ARHGAP10: variants seen among roughly 807,000 people sequenced by gnomAD.
ARHGAP10 encodes the protein Rho GTPase activating protein 10.
In ARHGAP10, 87 loss-of-function variants were observed where a neutral mutation model predicts 108.6. The observed-to-expected ratio is 0.80, with a 90% CI of 0.67 to 0.96. The LOEUF (loss-of-function observed/expected upper bound fraction) is 0.96, where lower values mean the gene tolerates loss of function less well. Among genes scored for constraint, ARHGAP10 ranks in the 40% least tolerant of loss-of-function variants. ARHGAP10 has a pLI of 0.00. For missense variants in ARHGAP10, 939 were observed against 954.5 expected, an observed-to-expected ratio of 0.98 and a Z score of 0.21; for synonymous variants, 347 against 341.1, an observed-to-expected ratio of 1.02 and a Z score of -0.19.
chr4:147,777,534 C>T (rs528793599), intron 1 of ARHGAP10, among the ~76,000 whole-genome samples: 4 of 152,044 alleles, frequency 2.6e-5, no homozygotes, highest in East Asian at 1.9e-4. Flanking sequence ...GGATTACAGG[C>T]GTGAGCCACC....
At chr4:147,994,350 T>C (rs1462675428) in intron 18 of ARHGAP10, among the ~76,000 whole-genome samples, 1 of 152,228 alleles carries the variant, frequency 6.6e-6, no homozygotes, top group Non-Finnish European at 1.5e-5. Flanking sequence ...TGCCGGTGCC[T>C]GGCTGTGTGC....
intron 1 of ARHGAP10, among the ~76,000 whole-genome samples, chr4:147,807,283 T>C (rs1731826134): frequency 6.6e-6 from 1 of 152,164 alleles, no homozygotes; most frequent in Non-Finnish European, 1.5e-5. Context: ...TAACAGTAGA[T>C]GCTTACTATT....
intron 18 of ARHGAP10, among the ~76,000 whole-genome samples, chr4:147,973,618 T>C (rs1739490815): frequency 6.6e-6 from 1 of 152,200 alleles, no homozygotes; most frequent in African/African-American, 2.4e-5. Context: ...TGCTATCAAA[T>C]ACTGAATTTT....
intron 1 of ARHGAP10, among the ~76,000 whole-genome samples, chr4:147,802,705 A>G (rs1358863639): frequency 6.6e-6 from 1 of 152,228 alleles, no homozygotes; most frequent in Non-Finnish European, 1.5e-5. Flanking sequence ...GGTCTCTAGG[A>G]CCATGCAGGG....
chr4:147,969,358 G>A (rs1739322930), intron 18 of ARHGAP10, among the ~76,000 whole-genome samples: 1 of 136,128 alleles, frequency 7.3e-6, no homozygotes, highest in African/African-American at 2.8e-5. Context: ...CAGTGGTGGT[G>A]AATTTATGCC....
At chr4:147,815,741 C>CT (rs1295231709) in intron 1 of ARHGAP10, among the ~76,000 whole-genome samples, 2 of 151,952 alleles carry the variant, frequency 1.3e-5, no homozygotes, top group Non-Finnish European at 2.9e-5. Context: ...GGTTTCATGC[C>CT]TGTAGTCCCA....
At chr4:147,877,315 C>T (rs1385290619) in intron 8 of ARHGAP10, among the ~76,000 whole-genome samples, 3 of 151,828 alleles carry the variant, frequency 2.0e-5, no homozygotes, top group African/African-American at 7.3e-5. Context: ...CTTTAAAACA[C>T]AAAGCAATGT....
intron 3 of ARHGAP10, among the ~76,000 whole-genome samples, chr4:147,843,955 G>A (rs898827087): frequency 3.9e-5 from 6 of 152,036 alleles, no homozygotes; most frequent in African/African-American, 1.5e-4. Context: ...CTCTCTACTT[G>A]CATGACTTCA....
chr4:148,054,024 T>TA, intron 20 of ARHGAP10, among the ~76,000 whole-genome samples: 1 of 152,378 alleles, frequency 6.6e-6, no homozygotes, highest in South Asian at 2.1e-4. Flanking sequence ...GCTTAAGACT[T>TA]AAAAACAATT....
At chr4:147,897,702 G>A (rs1475923752) in intron 10 of ARHGAP10, among the ~76,000 whole-genome samples, 1 of 152,014 alleles carries the variant, frequency 6.6e-6, no homozygotes, top group Non-Finnish European at 1.5e-5. Context: ...CTATGAATGT[G>A]GGAATTACAT....
chr4:147,737,419 T>C (rs547832888), intron 1 of ARHGAP10, among the ~76,000 whole-genome samples: 1 of 151,648 alleles, frequency 6.6e-6, no homozygotes, highest in Admixed American at 6.6e-5. Context: ...CCTCCCAAAG[T>C]GCTGGGATTA....
intron 1 of ARHGAP10, among the ~76,000 whole-genome samples, chr4:147,765,421 A>G (rs1003414920): frequency 1.3e-5 from 2 of 150,884 alleles, no homozygotes; most frequent in Non-Finnish European, 2.9e-5. Flanking sequence ...GGGTGTGTCT[A>G]TTGTGTTACG....
intron 18 of ARHGAP10, among the ~76,000 whole-genome samples, chr4:147,974,881 C>T (rs1739534158): frequency 1.3e-5 from 2 of 152,108 alleles, no homozygotes; most frequent in African/African-American, 4.8e-5. Context: ...AGGGAAACTC[C>T]CCTTTATAAA....
intron 7 of ARHGAP10, among the ~76,000 whole-genome samples, chr4:147,870,550 A>G (rs1734773366): frequency 8.2e-6 from 1 of 121,648 alleles, no homozygotes; most frequent in Admixed American, 1.0e-4. Context: ...TTGTATTGTA[A>G]AAGTGGCTAG....
chr4:148,001,908 T>C (rs371849426), intron 18 of ARHGAP10, among the ~76,000 whole-genome samples: 1 of 152,144 alleles, frequency 6.6e-6, no homozygotes, highest in African/African-American at 2.4e-5. Flanking sequence ...CCTTTATTTC[T>C]TTCTCCTGCC....
At chr4:148,014,201 TG>T (rs1404388747) in intron 18 of ARHGAP10, among the ~76,000 whole-genome samples, 1 of 152,242 alleles carries the variant, frequency 6.6e-6, no homozygotes, top group Non-Finnish European at 1.5e-5. Context: ...TTTGTTTGCA[TG>T]TGAGCAAAGG....
chr4:147,843,817 AC>A (rs766945497), intron 3 of ARHGAP10, among the ~76,000 whole-genome samples: 203 of 152,276 alleles, frequency 1.3e-3, no homozygotes, highest in Non-Finnish European at 1.1e-3. Context: ...CCCGGCCTGA[AC>A]CCCTTTCTTC....
intron 10 of ARHGAP10, among the ~76,000 whole-genome samples, chr4:147,884,622 A>G (rs1397846897): frequency 6.6e-6 from 1 of 152,160 alleles, no homozygotes; most frequent in Non-Finnish European, 1.5e-5. Flanking sequence ...TTAGGTGGCT[A>G]AATAAAGGCA....
chr4:147,989,633 C>A (rs1276922736), intron 18 of ARHGAP10, among the ~76,000 whole-genome samples: 1 of 152,194 alleles, frequency 6.6e-6, no homozygotes, highest in Admixed American at 6.5e-5. Flanking sequence ...TCTGTTCTGC[C>A]CAGCTCACCG....
Sources: gnomAD v4.1 joint callset for allele counts (sites outside exome capture counted in the v4.1 genomes callset) on GRCh38, gnomAD v4.1.1 for gene constraint, MANE v1.5 for transcripts, NCBI Gene and HGNC (gene_info 2026-07-23, HGNC 2026-07-21) for gene names.